MKI67: variants seen among roughly 807,000 people sequenced by gnomAD.
The protein encoded by MKI67 is proliferation marker protein Ki-67.
MKI67 carries 152 observed loss-of-function variants against 233.5 expected under a neutral mutation model. The observed-to-expected ratio is 0.65, with a 90% CI of 0.57 to 0.74. The LOEUF (loss-of-function observed/expected upper bound fraction) is 0.74. MKI67 is among the 30% of genes least tolerant of loss of function. The pLI is 0.00. For missense variants in MKI67, 3,940 were observed against 3,885.2 expected (o/e 1.01, Z -0.37); for synonymous variants, 1,465 against 1,418.5 (o/e 1.03, Z -0.74).
rs141496223 is a variant in MKI67 at position 128,115,441 on chromosome 10, C to A, written c.967G>T (p.Val323Leu). ...LDQNKGKGRDVESVQTPSKAV... is the reference protein window; with the variant it reads ...LDQNKGKGRDLESVQTPSKAV... ...TTGCTGGGAGTCTGAACAGACTCCA[C>A]GTCTCTTCCCTTCCCCTTGTTCTGG... Residue 323 changes from valine to leucine, a missense_variant, in exon 7 of 15, where the codon GTG becomes TTG. By Grantham distance (32) the Val-to-Leu change is conservative (BLOSUM62 1). Transcript: ENST00000368654. 5 of 1,613,684 alleles carry A rather than the reference C, an allele frequency of 3.1e-6. No individual in the cohort carries two copies. The South Asian group carries it at 4.4e-5, about 14-fold the overall frequency.
At position 128,105,259 on chromosome 10, in the gene MKI67, A is replaced by C; in HGVS notation, c.6581T>G (p.Leu2194Trp). The change falls in exon 13 of 15, where the codon TTG becomes TGG. Residue 2194 changes from leucine (L) to tryptophan (W), a missense_variant. Leu to Trp is a moderately conservative substitution (Grantham distance 61). Coordinates refer to ENST00000368654, the MANE Select transcript of MKI67 (RefSeq NM_002417.5). ...CTGGAAGAGCTCTTTCAAGCCAGCC[A>C]AGTCTTCTAGGGGTTGGGCTTTTCC... ...PKGKAQPLEDLAGLKELFQTP... is the reference protein window; with the variant it reads ...PKGKAQPLEDWAGLKELFQTP... 6.2e-7 allele frequency: 1 copy of C among 1,614,068 alleles called. No individual in the cohort carries two copies. The highest frequency in any genetic ancestry group is 1.1e-5 in the South Asian group (1 of 91,080).
At position 128,107,024 on chromosome 10, in the gene MKI67, T is replaced by G. The variant is rs1852517196; in HGVS notation, c.4816A>C (p.Thr1606Pro). The G allele has an allele frequency of 6.2e-7, 1 of 1,614,156 alleles. No homozygotes were observed. The change falls in exon 13 of 15, where the codon ACT becomes CCT. Residue 1606 changes from threonine to proline, a missense_variant. Transcript: ENST00000368654. ...GCTACTTTGGCAGTTTTATCGTTAG[T>G]CATTGATTCCTCAGTGTGACCTCGT... ...QTRGHTEESM[T>P]NDKTAKVACK...
At position 128,108,478 on chromosome 10, in the gene MKI67, T is replaced by C; in HGVS notation, c.3362A>G (p.Asp1121Gly). 1 of 1,612,608 alleles carries C rather than the reference T, an allele frequency of 6.2e-7. No individual in the cohort carries two copies. The highest frequency in any genetic ancestry group is 8.5e-7 in the Non-Finnish European group (1 of 1,179,638). Residue 1121 changes from aspartate (D) to glycine (G), a missense_variant, in exon 13 of 15, where the codon GAT becomes GGT. Asp to Gly is a moderately conservative substitution (Grantham distance 94, BLOSUM62 -1). Coordinates refer to ENST00000368654, the MANE Select transcript of MKI67 (RefSeq NM_002417.5). ...GCAGGCTATTTTGGTAGTTTTCTCA[T>C]CAGTCATTGATTCCTCAGAGGGACC... is the stretch of plus-strand genomic sequence containing the variant. ...TPGPSEESMT[D>G]EKTTKIACKS...
At position 128,122,916 on chromosome 10, in the gene MKI67, A is replaced by T. The variant is rs757284976; in HGVS notation, c.252T>A (p.His84Gln). The part of the protein sequence containing the change: ...SVIDEPVRLK[H>Q]GDVITIIDRS... ...GATCAATAATAGTTATTACATCTCCATGTTTTAGCCGTACAGGCTCATCAA... is the reference window on the plus strand; with the variant it reads ...GATCAATAATAGTTATTACATCTCCTTGTTTTAGCCGTACAGGCTCATCAA... The change falls in exon 4 of 15, where the codon CAT becomes CAA. Residue 84 changes from histidine (H) to glutamine (Q), a missense_variant. By Grantham distance (24) the His-to-Gln change is conservative. Transcript: ENST00000368654. 1 of 1,595,430 alleles carries T rather than the reference A, an allele frequency of 6.3e-7. No individual in the cohort carries two copies. Among genetic ancestry groups the T allele is most frequent in the South Asian group, 1.1e-5 (1 of 89,318 alleles).
intron 7 of MKI67, among the ~76,000 whole-genome samples, chr10:128,114,240 T>A (rs534516588): frequency 7.9e-5 from 12 of 152,324 alleles, no homozygotes; most frequent in African/African-American, 2.9e-4. Flanking sequence ...CAACTTTTCT[T>A]CTAATAGCCA....
Position 128,105,616 on chromosome 10 carries a change from T to C in MKI67, c.6224A>G (p.Asp2075Gly), listed in dbSNP as rs554507973. The C allele has an allele frequency of 1.2e-5, 20 of 1,613,748 alleles. No individual in the cohort carries two copies. The African/African-American group carries it at 2.3e-4, about 18-fold the overall frequency. ...TPKEEAQSLEDLAGFKELFQT... is the reference protein window; with the variant it reads ...TPKEEAQSLEGLAGFKELFQT... Reference sequence around the variant, plus strand: ...GAAGAGCTCTTTGAAGCCGGCCAGGTCTTCTAGTGATTGGGCCTCTTCCTT... The same window carrying C: ...GAAGAGCTCTTTGAAGCCGGCCAGGCCTTCTAGTGATTGGGCCTCTTCCTT... The change falls in exon 13 of 15, where the codon GAC becomes GGC. Residue 2075 changes from aspartate (D) to glycine (G), a missense_variant. Asp to Gly is a moderately conservative substitution (Grantham distance 94). Transcript: ENST00000368654.
Position 128,105,727 on chromosome 10 carries a change from C to A in MKI67, c.6113G>T (p.Ser2038Ile), listed in dbSNP as rs1852471228. The A allele has an allele frequency of 6.2e-7, 1 of 1,613,940 alleles. No individual in the cohort carries two copies. Among genetic ancestry groups the A allele is most frequent in the South Asian group, 1.1e-5 (1 of 91,084 alleles). ...THRETAGDGK[S>I]IKAFKESAKQ... ...TGCAGATTCCTTAAACGCTTTGATG[C>A]TCTTTCCATCTCCTGCTGTCTCTCT... The change falls in exon 13 of 15, where the codon AGC (serine) becomes ATC (isoleucine). Residue 2038 changes from serine (S) to isoleucine (I), a missense_variant. Ser to Ile is a moderately radical substitution (Grantham distance 142). Coordinates refer to ENST00000368654, the MANE Select transcript of MKI67 (RefSeq NM_002417.5).
intron 7 of MKI67, among the ~76,000 whole-genome samples, chr10:128,114,399 G>C (rs775995774): frequency 6.6e-6 from 1 of 152,166 alleles, no homozygotes; most frequent in Non-Finnish European, 1.5e-5. Flanking sequence ...CACTGCTATT[G>C]CACCAAGGAT....
chr10:128,110,280 A>G, intron 12 of MKI67, 98 bp downstream of exon 12: 4 of 988,462 alleles, frequency 4.0e-6, no homozygotes, highest in Non-Finnish European at 5.7e-6. Context: ...TGCCAGGAAC[A>G]TTTGTTTTAG....
In MKI67 at chr10:128,107,815, G is replaced by C; in HGVS notation, c.4025C>G (p.Ala1342Gly). ...RPQTPKEEAQ[A>G]LEDLTGFKEL... ...TTTAAAGCCAGTCAGGTCTTCCAGA[G>C]CCTGGGCCTCTTCCTTAGGAGTTTG... The change falls in exon 13 of 15, where the codon GCT (alanine) becomes GGT (glycine). Residue 1342 changes from alanine (A) to glycine (G), a missense_variant. Coordinates refer to ENST00000368654, the MANE Select transcript of MKI67 (RefSeq NM_002417.5). The C allele has an allele frequency of 6.2e-7, 1 of 1,613,924 alleles. No individual in the cohort carries two copies.
chr10:128,108,635 T>TAA lies in MKI67; in HGVS notation c.3203_3204dup (p.Lys1069LeufsTer15), dbSNP rs1852587611. The TAA allele has an allele frequency of 6.2e-7, 1 of 1,614,064 alleles. No homozygotes were observed. Among genetic ancestry groups the TAA allele is most frequent in the Non-Finnish European group, 8.5e-7 (1 of 1,180,020 alleles). ...TCCAGGATCTGCTTTGGAGACTCCT[T>TAA]AAACGTTCTGATGCTCTTGCCATCT... is the stretch of plus-strand genomic sequence containing the variant. On this transcript the variant is annotated frameshift_variant, in exon 13 of 15. Coordinates refer to ENST00000368654, the MANE Select transcript of MKI67 (RefSeq NM_002417.5). LOFTEE classifies it high-confidence loss of function.
chr10:128,107,320 G>A lies in MKI67; in HGVS notation c.4520C>T (p.Ser1507Phe), dbSNP rs759468347. 1 of 1,614,108 alleles carries A rather than the reference G, an allele frequency of 6.2e-7. No homozygotes were observed. The highest frequency in any genetic ancestry group is 8.5e-7 in the Non-Finnish European group (1 of 1,180,036). The change falls in exon 13 of 15, where the codon TCC becomes TTC. Residue 1507 changes from serine (S) to phenylalanine (F), a missense_variant. By Grantham distance (155) the Ser-to-Phe change is radical (BLOSUM62 -2). Transcript: ENST00000368654. ...GAGACTTCTCTTGGACTGTGGCTTG[G>A]AGCTTGTTGGTGTGTCCACTGGGTC... ...QPDPVDTPTS[S>F]KPQSKRSLRK... is the part of the protein sequence containing the mutation.
At chr10:128,101,753 T>C (rs1852342105) in intron 13 of MKI67, 52 bp from the exon 14 acceptor site, 1 of 1,404,740 alleles carries the variant, frequency 7.1e-7, no homozygotes, top group South Asian at 1.4e-5. Flanking sequence ...TAAAACAAAC[T>C]TCAAAATTCA....
intron 13 of MKI67, 103 bp downstream of exon 13, chr10:128,102,476 G>A: frequency 2.8e-6 from 4 of 1,407,582 alleles, no homozygotes; most frequent in Non-Finnish European, 2.9e-6. Flanking sequence ...ACCCTCTGGG[G>A]AAAGGATAAC....
intron 5 of MKI67, among the ~76,000 whole-genome samples, chr10:128,117,015 G>A (rs1852821356): frequency 6.6e-6 from 1 of 152,204 alleles, no homozygotes; most frequent in Non-Finnish European, 1.5e-5. Flanking sequence ...GGAGCTAGTG[G>A]TCAGGATAAA....
At chr10:128,100,064 C>G (rs778670658) in intron 14 of MKI67, among the ~76,000 whole-genome samples, 24 of 152,306 alleles carry the variant, frequency 1.6e-4, no homozygotes, top group Admixed American at 2.6e-4. Context: ...TTGTAAGACT[C>G]GACGGGTGAA....
chr10:128,125,734 G>GGTAT lies in MKI67; in HGVS notation c.-68_-67insATAC. On this transcript the variant is annotated 5_prime_UTR_variant, in exon 2 of 15. Coordinates refer to ENST00000368654, the MANE Select transcript of MKI67 (RefSeq NM_002417.5). This position sits in a 1 kb window ranked among gnomAD's most constrained non-coding sequence, Gnocchi z 5.3. ...AGGTATAATCCGTAGGGGAAGGCCAGAAGCAAATTTACAACTCTTCCACTG... is the reference window on the plus strand; with the variant it reads ...AGGTATAATCCGTAGGGGAAGGCCAGGTATAAGCAAATTTACAACTCTTCCACTG... The GGTAT allele has an allele frequency of 1.1e-5, 15 of 1,361,828 alleles. No individual in the cohort carries two copies. The highest frequency in any genetic ancestry group is 1.6e-5 in the Non-Finnish European group (15 of 950,882). 84.4% of individuals were successfully genotyped at this position (1,361,828 alleles called of 1,614,324 possible). A position where few individuals can be genotyped will look rare whatever the true frequency, so the allele number is the denominator to read the frequency against.
Position 128,097,736 on chromosome 10 carries a change from C to G in MKI67, c.*1454G>C, listed in dbSNP as rs1351553353. 1.3e-5 allele frequency: 2 copies of G among 152,512 alleles called. No homozygotes were observed. The highest frequency in any genetic ancestry group is 2.9e-5 in the Non-Finnish European group (2 of 68,230). The allele number at this position is 152,512 out of a possible 1,614,324, so 9.4% of individuals were successfully genotyped here. On this transcript the variant is annotated 3_prime_UTR_variant, in exon 15 of 15. Transcript: ENST00000368654. ...CCCCTGTTCTGCCCTGGTGCAATCC[C>G]TGTACCCTTTGCAGCCCTGTGAAGC...
intron 14 of MKI67, among the ~76,000 whole-genome samples, chr10:128,100,395 T>G (rs1463517500): frequency 6.6e-6 from 1 of 152,162 alleles, no homozygotes; most frequent in Non-Finnish European, 1.5e-5. Context: ...GCTTCCTAGT[T>G]TGTGCCGAAG....
Sources: gnomAD v4.1 joint callset for allele counts (sites outside exome capture counted in the v4.1 genomes callset) on GRCh38, gnomAD v4.1.1 for gene constraint, Gnocchi (gnomAD v3.1) non-coding constraint, MANE v1.5 for transcripts, NCBI Gene and HGNC (gene_info 2026-07-23, HGNC 2026-07-21) for gene names.